CHL1: variants seen among roughly 807,000 people sequenced by gnomAD.
CHL1 encodes the protein cell adhesion molecule L1 like, also known as neural cell adhesion molecule L1-like protein.
A neutral mutation model predicts 141.9 loss-of-function variants in CHL1; 96 were observed. That is an observed-to-expected ratio of 0.68 (90% CI 0.57 to 0.80). CHL1 has a LOEUF of 0.80. Ranked by LOEUF, CHL1 falls within the 30% of genes least tolerant of loss-of-function variation. The pLI is 0.00. For synonymous variants in CHL1, 613 were observed against 502.2 expected (o/e 1.22, Z -2.95); for missense variants, 1,820 against 1,457.2 (o/e 1.25, Z -4.05).
intron 15 of CHL1, among the ~76,000 whole-genome samples, chr3:368,127 TGG>T (rs1705146173): frequency 6.6e-6 from 1 of 152,216 alleles, no homozygotes; most frequent in African/African-American, 2.4e-5. Context: ...ATGTGATTGC[TGG>T]GTCAAATGGT....
chr3:304,879 G>C (rs1435742750), intron 2 of CHL1, among the ~76,000 whole-genome samples: 1 of 151,998 alleles, frequency 6.6e-6, no homozygotes, highest in African/African-American at 2.4e-5. Context: ...TGGGCATTTA[G>C]TGCTATAAAT....
At chr3:277,372 G>C (rs1247493231) in intron 2 of CHL1, among the ~76,000 whole-genome samples, 3 of 152,164 alleles carry the variant, frequency 2.0e-5, no homozygotes, top group Non-Finnish European at 4.4e-5. Flanking sequence ...TGAGTAACTA[G>C]TGCACAGACT....
In CHL1 at chr3:389,347, C is replaced by G; in HGVS notation, c.2343C>G (p.Val781=). Reference sequence around the variant, plus strand: ...CAGTGGAGTGGGAAGAAGAAACAGTCACAAACCACACATTGCGGGTGATGA... The same window carrying G: ...CAGTGGAGTGGGAAGAAGAAACAGTGACAAACCACACATTGCGGGTGATGA... The part of the protein sequence containing the change: ...GAPVEWEEET[V]TNHTLRVMTP... Residue 781 remains valine (V), a synonymous_variant, in exon 20 of 28, where the codon GTC becomes GTG. Transcript: ENST00000256509. The G allele has an allele frequency of 6.2e-7, 1 of 1,614,210 alleles. No homozygotes were observed. The highest frequency in any genetic ancestry group is 2.2e-5 in the East Asian group (1 of 44,882).
intron 10 of CHL1, among the ~76,000 whole-genome samples, chr3:350,138 T>A (rs970968587): frequency 1.3e-5 from 2 of 152,216 alleles, no homozygotes; most frequent in African/African-American, 4.8e-5. Context: ...ATAATATTAA[T>A]TCTCTCAAAA....
intron 8 of CHL1, 123 bp from the exon 9 acceptor site, chr3:344,466 A>AACACAC (rs56787746): frequency 0.053 from 29,489 of 561,454 alleles, 299 homozygotes; most frequent in East Asian, 0.078. Context: ...ATGTGTATAG[A>AACACAC]ACACACACAC....
At chr3:280,875 G>A (rs590464) in intron 2 of CHL1, among the ~76,000 whole-genome samples, 110,479 of 151,860 alleles carry the variant, frequency 0.73, 41,072 homozygotes, top group East Asian at 0.89. Flanking sequence ...GTTAAAACAC[G>A]TAGACACACA....
rs544892802 is a variant in CHL1 at position 346,658 on chromosome 3, G to A, written c.848+1949G>A. 5.3e-5 allele frequency among the ~76,000 whole-genome samples: 8 copies of A among 152,218 alleles called. No individual in the cohort carries two copies. The East Asian group carries it at 1.2e-3, about 22-fold the overall frequency. On this transcript the variant is annotated intron_variant, in intron 9 of 27. Coordinates refer to ENST00000256509, the MANE Select transcript of CHL1 (RefSeq NM_006614.4). ...GTGAGGACATGAAAATTCTTGATGCGCTGTCCTAAGACTTTTCACCTGAAG... is the reference window on the plus strand; with the variant it reads ...GTGAGGACATGAAAATTCTTGATGCACTGTCCTAAGACTTTTCACCTGAAG...
In CHL1 at chr3:205,660, C is replaced by T. The variant is rs144436915; in HGVS notation, c.-175+8597C>T. On this transcript the variant is annotated intron_variant, in intron 1 of 27. Transcript: ENST00000256509. ...GTGTGTCTGTGTGTGTGTGTGTGTG[C>T]GCGCGCACGTGTATGTGTGGGTCCT... Among the ~76,000 whole-genome samples, 1,062 of 151,644 alleles carry T rather than the reference C, an allele frequency of 7.0e-3. 12 individuals carry two copies. The highest frequency in any genetic ancestry group is 0.024 in the African/African-American group (1,007 of 41,296).
intron 1 of CHL1, among the ~76,000 whole-genome samples, chr3:224,708 CG>C (rs1191332369): frequency 4.6e-5 from 7 of 152,278 alleles, no homozygotes; most frequent in Admixed American, 4.6e-4. Context: ...ACAAATTACC[CG>C]GTCTCAGGTA....
chr3:389,678 T>C (rs1390317697), intron 20 of CHL1, among the ~76,000 whole-genome samples: 1 of 152,240 alleles, frequency 6.6e-6, no homozygotes, highest in Non-Finnish European at 1.5e-5. Flanking sequence ...CAAGGAAGTA[T>C]GTTGAAAGTT....
At chr3:311,047 T>A (rs1333478621) in intron 2 of CHL1, among the ~76,000 whole-genome samples, 1 of 152,252 alleles carries the variant, frequency 6.6e-6, no homozygotes, top group East Asian at 1.9e-4. Context: ...CCTCTTTTCA[T>A]GGCTGATAGC....
chr3:352,033 AC>A (rs1182017685), intron 10 of CHL1, among the ~76,000 whole-genome samples: 1 of 152,184 alleles, frequency 6.6e-6, no homozygotes, highest in African/African-American at 2.4e-5. Flanking sequence ...TATGTTGTCA[AC>A]TTTTGAATTA....
chr3:305,549 T>G (rs969379046), intron 2 of CHL1, among the ~76,000 whole-genome samples: 2 of 151,994 alleles, frequency 1.3e-5, no homozygotes, highest in Non-Finnish European at 2.9e-5. Flanking sequence ...CCTAGTAACT[T>G]GTGATTTTTC....
At chr3:363,607 G>A (rs974154811) in intron 14 of CHL1, 10 of 394,846 alleles carry the variant, frequency 2.5e-5, no homozygotes, top group Non-Finnish European at 1.4e-5. Context: ...AGGCAGCCAG[G>A]TGTCTGTAGT....
At chr3:399,899 A>G (rs1708985103) in intron 26 of CHL1, among the ~76,000 whole-genome samples, 1 of 152,212 alleles carries the variant, frequency 6.6e-6, no homozygotes, top group African/African-American at 2.4e-5. Flanking sequence ...ATTACTAGGA[A>G]TGCATTTCTT....
At chr3:238,247 A>G (rs1325261146) in intron 1 of CHL1, among the ~76,000 whole-genome samples, 1 of 152,116 alleles carries the variant, frequency 6.6e-6, no homozygotes, top group African/African-American at 2.4e-5. Flanking sequence ...TTTCGGGTAA[A>G]TGTTAGCTGA....
At chr3:276,086 A>G (rs1219745096) in intron 2 of CHL1, among the ~76,000 whole-genome samples, 4 of 151,904 alleles carry the variant, frequency 2.6e-5, no homozygotes, top group Non-Finnish European at 5.9e-5. Flanking sequence ...ATTATTGTTT[A>G]TATTATTCTT....
chr3:308,026 T>A (rs1699397568), intron 2 of CHL1, among the ~76,000 whole-genome samples: 1 of 151,756 alleles, frequency 6.6e-6, no homozygotes, highest in African/African-American at 2.4e-5. Flanking sequence ...TGAGAGATAT[T>A]CATTTAAAGT....
chr3:310,770 GT>G (rs1313580914), intron 2 of CHL1, among the ~76,000 whole-genome samples: 2 of 152,120 alleles, frequency 1.3e-5, no homozygotes, highest in African/African-American at 4.8e-5. Context: ...TTACATTCGG[GT>G]TTCTTTTGGT....
Sources: gnomAD v4.1 joint callset for allele counts (sites outside exome capture counted in the v4.1 genomes callset) on GRCh38, gnomAD v4.1.1 for gene constraint, MANE v1.5 for transcripts, NCBI Gene and HGNC (gene_info 2026-07-23, HGNC 2026-07-21) for gene names.